Variants in NCOR1 observed in about 807,000 individuals in gnomAD.
NCOR1 encodes the protein nuclear receptor corepressor 1.
A neutral mutation model predicts 288.1 loss-of-function variants in NCOR1; 63 were observed. That is an observed-to-expected ratio of 0.22 (90% CI 0.18 to 0.27). NCOR1 has a LOEUF of 0.27. Ranked by LOEUF, NCOR1 falls within the 10% of genes least tolerant of loss-of-function variation. The probability of loss-of-function intolerance (pLI) is 1.00; values close to 1 mark genes in which losing one functional copy is unlikely to be tolerated. For synonymous variants in NCOR1, 1,007 were observed against 1,065.9 expected (o/e 0.94, Z 1.08); for missense variants, 2,397 against 3,019.2 (o/e 0.79, Z 4.83).
intron 14 of NCOR1, among the ~76,000 whole-genome samples, chr17:16,135,583 C>T (rs538157676): frequency 2.0e-5 from 3 of 152,312 alleles, no homozygotes; most frequent in African/African-American, 4.8e-5. Flanking sequence ...TCTGTGTAAC[C>T]GTGTTTCTGC....
intron 3 of NCOR1, among the ~76,000 whole-genome samples, chr17:16,172,450 A>ATT (rs2083299835): frequency 6.6e-6 from 1 of 152,246 alleles, no homozygotes; most frequent in Admixed American, 6.5e-5. Context: ...TTGCTGAAGA[A>ATT]TATCTATAAA....
chr17:16,099,187 C>G (rs1218654407), intron 20 of NCOR1, among the ~76,000 whole-genome samples: 1 of 152,198 alleles, frequency 6.6e-6, no homozygotes, highest in Non-Finnish European at 1.5e-5. Flanking sequence ...CCTCTGCTCA[C>G]CATAGTCCCT....
chr17:16,143,307 T>G (rs1353934876), intron 11 of NCOR1, among the ~76,000 whole-genome samples: 1 of 152,208 alleles, frequency 6.6e-6, no homozygotes, highest in Non-Finnish European at 1.5e-5. Context: ...ACCTTTCTAT[T>G]ACACTCGCCT....
Position 16,214,456 on chromosome 17 carries a change from A to C in NCOR1, c.-71+906T>G, listed in dbSNP as rs529071117. Reference sequence around the variant, plus strand: ...GGTGCACACAAGGAATGTAAATTTCAATATAATTAGGATATAATTAGAGAA... The same window carrying C: ...GGTGCACACAAGGAATGTAAATTTCCATATAATTAGGATATAATTAGAGAA... On this transcript the variant is annotated intron_variant, in intron 1 of 45. Coordinates refer to ENST00000268712, the MANE Select transcript of NCOR1 (RefSeq NM_006311.4). Among the ~76,000 whole-genome samples the C allele has an allele frequency of 3.3e-5, 5 of 152,328 alleles. No individual in the cohort carries two copies. The East Asian group carries it at 9.6e-4, about 29-fold the overall frequency.
chr17:16,205,710 G>C (rs1191775092), intron 1 of NCOR1, among the ~76,000 whole-genome samples: 2 of 151,792 alleles, frequency 1.3e-5, no homozygotes, highest in African/African-American at 2.4e-5. Flanking sequence ...GGCCAAGGTG[G>C]GTGGATCACC....
chr17:16,170,967 T>C (rs946514746), intron 4 of NCOR1, among the ~76,000 whole-genome samples: 2 of 152,150 alleles, frequency 1.3e-5, no homozygotes, highest in Admixed American at 6.5e-5. Flanking sequence ...AGAACTCGCA[T>C]TGTTTGAAAT....
chr17:16,092,683 ATATATATATATATTTT>A lies in NCOR1; in HGVS notation c.2821-641_2821-626del, dbSNP rs1308075229. Among the ~76,000 whole-genome samples the A allele has an allele frequency of 7.7e-3, 138 of 17,834 alleles. 6 individuals are homozygous for A. The highest frequency in any genetic ancestry group is 0.033 in the African/African-American group (115 of 3,504). 11.7% of individuals were successfully genotyped at this position (17,834 alleles called of 152,430 possible). On this transcript the variant is annotated intron_variant, in intron 21 of 45. Coordinates refer to ENST00000268712, the MANE Select transcript of NCOR1 (RefSeq NM_006311.4). ...TATATATATATATATATATATATAT[ATATATATATATATTTT>A]TTTTTTTTTTTTTTTTTAAGACATA...
At chr17:16,098,685 G>A in intron 20 of NCOR1, 189 bp from the exon 21 acceptor site, 1 of 424,662 alleles carries the variant, frequency 2.4e-6, no homozygotes. Flanking sequence ...TGATTTTCCA[G>A]ATAAAGAAAC....
intron 1 of NCOR1, among the ~76,000 whole-genome samples, chr17:16,204,809 T>C (rs1008363440): frequency 2.6e-5 from 4 of 152,216 alleles, no homozygotes; most frequent in Non-Finnish European, 5.9e-5. Context: ...GAAATTAAGG[T>C]GTACAGAGAT....
chr17:16,091,667 A>G, intron 22 of NCOR1, 196 bp downstream of exon 22: 1 of 1,399,580 alleles, frequency 7.1e-7, no homozygotes, highest in Non-Finnish European at 9.3e-7. Context: ...TAAAAATGTT[A>G]CTGGCATCCT....
At position 16,058,040 on chromosome 17, in the gene NCOR1, C is replaced by T. The variant is rs2060126766; in HGVS notation, c.6035G>A (p.Gly2012Glu). Residue 2012 changes from glycine (G) to glutamate (E), a missense_variant, in exon 39 of 46, where the codon GGA (glycine) becomes GAA (glutamate). Physicochemically the swap from Gly to Glu is moderately conservative, Grantham distance 98 (BLOSUM62 -2). Transcript: ENST00000268712. ...AENDPTRQYE[G>E]PLHHYRPQQE... ...CTGTGGTCGATAGTGATGTAATGGTCCTTCATATTGTCTGGTAGGATCATC... is the reference window on the plus strand; with the variant it reads ...CTGTGGTCGATAGTGATGTAATGGTTCTTCATATTGTCTGGTAGGATCATC... 1 of 1,614,004 alleles carries T rather than the reference C, an allele frequency of 6.2e-7. No homozygotes were observed.
intron 41 of NCOR1, among the ~76,000 whole-genome samples, chr17:16,048,059 GC>G (rs2058871642): frequency 6.6e-6 from 1 of 152,150 alleles, no homozygotes; most frequent in African/African-American, 2.4e-5. Flanking sequence ...TGTAAGAAAG[GC>G]ACTAGCAATT....
intron 40 of NCOR1, among the ~76,000 whole-genome samples, chr17:16,056,370 TG>T (rs1185658383): frequency 2.9e-5 from 4 of 138,564 alleles, no homozygotes; most frequent in Non-Finnish European, 4.6e-5. Context: ...TGCAGTGCAA[TG>T]GCATGATCTC....
chr17:16,206,143 A>C (rs1221101522), intron 1 of NCOR1, among the ~76,000 whole-genome samples: 2 of 151,912 alleles, frequency 1.3e-5, no homozygotes, highest in Non-Finnish European at 2.9e-5. Context: ...TTGGTACAAC[A>C]ATCTTTTGGA....
intron 45 of NCOR1, among the ~76,000 whole-genome samples, chr17:16,032,896 A>C (rs1055443142): frequency 6.6e-5 from 10 of 152,196 alleles, no homozygotes; most frequent in Non-Finnish European, 1.2e-4. Context: ...ACGTCTGCAG[A>C]CTGAGGGGCA....
At chr17:16,093,090 T>C (rs978478227) in intron 21 of NCOR1, among the ~76,000 whole-genome samples, 20 of 152,174 alleles carry the variant, frequency 1.3e-4, no homozygotes, top group African/African-American at 4.8e-4. Flanking sequence ...TTTCTCCAAG[T>C]TCCACACTTA....
chr17:16,131,315 A>G (rs2075602783), intron 14 of NCOR1, among the ~76,000 whole-genome samples: 1 of 152,160 alleles, frequency 6.6e-6, no homozygotes. Flanking sequence ...TGTAAGCCAC[A>G]ATGCTTGACC....
intron 9 of NCOR1, among the ~76,000 whole-genome samples, chr17:16,147,136 C>T (rs541906840): frequency 2.8e-4 from 43 of 152,192 alleles, no homozygotes; most frequent in South Asian, 6.2e-4. Flanking sequence ...CCAGGCTGGG[C>T]GCAGTGACTC....
At chr17:16,119,730 AT>A (rs2072587786) in intron 16 of NCOR1, among the ~76,000 whole-genome samples, 1 of 152,076 alleles carries the variant, frequency 6.6e-6, no homozygotes, top group African/African-American at 2.4e-5. Context: ...ATTTTTAAAC[AT>A]TTTGTTTTTT....
Sources: gnomAD v4.1 joint callset for allele counts (sites outside exome capture counted in the v4.1 genomes callset) on GRCh38, gnomAD v4.1.1 for gene constraint, MANE v1.5 for transcripts, NCBI Gene and HGNC (gene_info 2026-07-23, HGNC 2026-07-21) for gene names.